Variants in GPRC5A observed in about 807,000 individuals in gnomAD.
GPRC5A encodes the protein retinoic acid-induced protein 3.
In GPRC5A, 19 loss-of-function variants were observed where a neutral mutation model predicts 22.5. The ratio of observed to expected loss-of-function variants is 0.85; its 90% CI spans 0.59 to 1.24. GPRC5A has a LOEUF of 1.24. Ranked by LOEUF, GPRC5A falls within the 50% of genes most tolerant of loss-of-function variation. The pLI, the probability that GPRC5A is intolerant of heterozygous loss-of-function variation, is 0.00. For missense variants in GPRC5A, 471 were observed against 451.1 expected (o/e 1.04, Z -0.40); for synonymous variants, 192 against 184.5 (o/e 1.04, Z -0.33).
intron 1 of GPRC5A, 138 bp downstream of exon 1, chr12:12,891,802 T>A (rs567148527): frequency 6.6e-6 from 1 of 151,222 alleles, no homozygotes; most frequent in African/African-American, 2.4e-5. Context: ...GAGAAAAAAA[T>A]TCCCTAGGAA....
intron 1 of GPRC5A, among the ~76,000 whole-genome samples, chr12:12,894,772 GT>G (rs56794431): frequency 0.012 from 781 of 67,418 alleles, 5 homozygotes; most frequent in African/African-American, 0.037. Context: ...GTCTAGGATG[GT>G]TTTTTTTTTT....
chr12:12,896,294 T>A (rs1863822482), intron 1 of GPRC5A, among the ~76,000 whole-genome samples: 1 of 152,212 alleles, frequency 6.6e-6, no homozygotes, highest in African/African-American at 2.4e-5. Context: ...TGTGGTGCTA[T>A]GATGACTTAT....
chr12:12,911,614 G>A (rs1479279439), intron 2 of GPRC5A, among the ~76,000 whole-genome samples: 11 of 151,532 alleles, frequency 7.3e-5, no homozygotes, highest in African/African-American at 2.2e-4. Context: ...TCAGCCTCCC[G>A]AGTAGCTGGG....
At chr12:12,908,125 C>A in intron 1 of GPRC5A, 118 bp from the exon 2 acceptor site, 1 of 672,134 alleles carries the variant, frequency 1.5e-6, no homozygotes, top group Non-Finnish European at 2.5e-6. Context: ...AGCTCAAAGT[C>A]AAAACCCTGG....
At position 12,908,897 on chromosome 12, in the gene GPRC5A, G is replaced by T. The variant is rs376281808; in HGVS notation, c.648G>T (p.Thr216=). ...WKRHGAHIYL[T]MLLSIAIWVA... ...GACATGGGGCCCACATCTACCTCAC[G>T]ATGCTCCTCTCCATTGCCATCTGGG... The change falls in exon 2 of 4, where the codon ACG becomes ACT. Residue 216 remains threonine (T), a synonymous_variant. Transcript: ENST00000014914. 35 of 1,614,010 alleles carry T rather than the reference G, an allele frequency of 2.2e-5. No individual in the cohort carries two copies. The highest frequency in any genetic ancestry group is 2.8e-5 in the Non-Finnish European group (33 of 1,180,034).
intron 1 of GPRC5A, among the ~76,000 whole-genome samples, chr12:12,903,036 C>T (rs1384497709): frequency 6.6e-6 from 1 of 152,052 alleles, no homozygotes. Context: ...CATTGCACTC[C>T]AGCCTGGGCA....
rs1453851003 is a variant in GPRC5A, at chr12:12,908,664, G to A, written c.415G>A (p.Val139Met). 10 of 1,613,724 alleles carry A rather than the reference G, an allele frequency of 6.2e-6. No individual in the cohort carries two copies. The highest frequency in any genetic ancestry group is 2.2e-5 in the South Asian group (2 of 91,034). ...CCTGTTGGTGATTCTGGGTCTGGCC[G>A]TGGGCTTCAGCCTAGTCCAGGATGT... ...LSLLVILGLA[V>M]GFSLVQDVIA... Residue 139 changes from valine to methionine, a missense_variant, in exon 2 of 4, where the codon GTG becomes ATG. Physicochemically the swap from Val to Met is conservative, Grantham distance 21 (BLOSUM62 1). Coordinates refer to ENST00000014914, the MANE Select transcript of GPRC5A (RefSeq NM_003979.4).
At chr12:12,900,422 G>T (rs926205695) in intron 1 of GPRC5A, among the ~76,000 whole-genome samples, 57 of 152,182 alleles carry the variant, frequency 3.7e-4, no homozygotes, top group African/African-American at 1.3e-3. Context: ...GCTTTGAGAG[G>T]TCAAGTGACT....
Position 12,916,870 on chromosome 12 carries a change from C to T in GPRC5A, c.*4331C>T, listed in dbSNP as rs1592354659. 1 of 152,322 alleles carries T rather than the reference C, an allele frequency of 6.6e-6. No individual in the cohort carries two copies. The highest frequency in any genetic ancestry group is 1.5e-5 in the Non-Finnish European group (1 of 68,056). The allele number at this position is 152,322 out of a possible 1,614,324, so 9.4% of individuals were successfully genotyped here. A position where few individuals can be genotyped will look rare whatever the true frequency, so the allele number is the denominator to read the frequency against. ...CGTGCACTCATTCTGAGCTTCCTTC[C>T]TTCATTTCTGTCATTACTGCTGAGA... On this transcript the variant is annotated 3_prime_UTR_variant, in exon 4 of 4. Coordinates refer to ENST00000014914, the MANE Select transcript of GPRC5A (RefSeq NM_003979.4).
rs1864072973 is a variant in GPRC5A at position 12,917,229 on chromosome 12, TGTGTGTGTGTGTGTGTGTGTGTGCGTGC to T, written c.*4694_*4721del. On this transcript the variant is annotated 3_prime_UTR_variant, in exon 4 of 4. Transcript: ENST00000014914. ...TGCTGGATCTGTGTGTGTGTGTGTG[TGTGTGTGTGTGTGTGTGTGTGTGCGTGC>T]GTGCGTGTATGTGCGCCTGACCCTG... The T allele has an allele frequency of 8.3e-6, 1 of 119,898 alleles. No homozygotes were observed. Among genetic ancestry groups the T allele is most frequent in the Non-Finnish European group, 1.7e-5 (1 of 59,464 alleles). The allele number at this position is 119,898 out of a possible 1,614,324, so 7.4% of individuals were successfully genotyped here.
rs372744055 is a variant in GPRC5A, at chr12:12,908,663, C to G, written c.414C>G (p.Ala138=). Residue 138 remains alanine (A), a synonymous_variant, in exon 2 of 4, where the codon GCC becomes GCG. Coordinates refer to ENST00000014914, the MANE Select transcript of GPRC5A (RefSeq NM_003979.4). The part of the protein sequence containing the change: ...PLSLLVILGL[A]VGFSLVQDVI... ...CCCTGTTGGTGATTCTGGGTCTGGCCGTGGGCTTCAGCCTAGTCCAGGATG... is the reference window on the plus strand; with the variant it reads ...CCCTGTTGGTGATTCTGGGTCTGGCGGTGGGCTTCAGCCTAGTCCAGGATG... The G allele has an allele frequency of 1.1e-4, 178 of 1,613,670 alleles. No homozygotes were observed. Among genetic ancestry groups the G allele is most frequent in the Non-Finnish European group, 1.5e-4 (173 of 1,179,796 alleles).
intron 1 of GPRC5A, among the ~76,000 whole-genome samples, chr12:12,895,067 C>T (rs186456379): frequency 2.8e-4 from 42 of 152,260 alleles, no homozygotes; most frequent in African/African-American, 8.4e-4. Flanking sequence ...CGTGAGCCAC[C>T]GTGCCCGGCC....
intron 1 of GPRC5A, among the ~76,000 whole-genome samples, chr12:12,906,191 C>T (rs965312417): frequency 3.9e-5 from 6 of 152,160 alleles, no homozygotes; most frequent in African/African-American, 1.4e-4. Flanking sequence ...GCCTCAGTTT[C>T]CTCATCTGTA....
At position 12,909,012 on chromosome 12, in the gene GPRC5A, G is replaced by A. The variant is rs149349613; in HGVS notation, c.763G>A (p.Val255Met). Residue 255 changes from valine to methionine, a missense_variant, in exon 2 of 4, where the codon GTG (valine) becomes ATG (methionine). Val to Met is a conservative substitution (Grantham distance 21). Transcript: ENST00000014914. ...CTCCGCCTTGGCTGCCAATGGCTGG[G>A]TGTTCCTGTTGGCTTATGTTAGTCC... The part of the protein sequence containing the change: ...LSSALAANGW[V>M]FLLAYVSPEF... 35 of 1,613,960 alleles carry A rather than the reference G, an allele frequency of 2.2e-5. No homozygotes were observed. The African/African-American group carries it at 4.5e-4, about 21-fold the overall frequency.
At position 12,913,677 on chromosome 12, in the gene GPRC5A, A is replaced by T. The variant is rs1864031186; in HGVS notation, c.*1138A>T. 1 of 152,014 alleles carries T rather than the reference A, an allele frequency of 6.6e-6. No homozygotes were observed. The highest frequency in any genetic ancestry group is 1.5e-5 in the Non-Finnish European group (1 of 68,010). 9.4% of individuals were successfully genotyped at this position (152,014 alleles called of 1,614,324 possible). A position where few individuals can be genotyped will look rare whatever the true frequency, so the allele number is the denominator to read the frequency against. The stretch of plus-strand genomic sequence containing the variant: ...AGCAGTTACCAGTAATGAGCATTAG[A>T]CTCTGGGGGATAGAACACGGGCTGC... On this transcript the variant is annotated 3_prime_UTR_variant, in exon 4 of 4. Coordinates refer to ENST00000014914, the MANE Select transcript of GPRC5A (RefSeq NM_003979.4).
Position 12,908,749 on chromosome 12 carries a change from A to C in GPRC5A, c.500A>C (p.Glu167Ala), listed in dbSNP as rs755657447. 27 of 1,613,938 alleles carry C rather than the reference A, an allele frequency of 1.7e-5. No homozygotes were observed. The highest frequency in any genetic ancestry group is 2.3e-5 in the Non-Finnish European group (27 of 1,180,032). Residue 167 changes from glutamate to alanine, a missense_variant, in exon 2 of 4, where the codon GAG becomes GCG. Glu to Ala is a moderately radical substitution (Grantham distance 107). Transcript: ENST00000014914. ...MNRTNVNVFSELSAPRRNEDF... is the reference protein window; with the variant it reads ...MNRTNVNVFSALSAPRRNEDF... ...AGGACCAACGTCAATGTCTTTTCTG[A>C]GCTTTCCGCTCCTCGTCGCAATGAA...
chr12:12,905,268 A>G (rs1422987149), intron 1 of GPRC5A, among the ~76,000 whole-genome samples: 3 of 152,162 alleles, frequency 2.0e-5, no homozygotes, highest in Non-Finnish European at 4.4e-5. Flanking sequence ...CCTGCTTCCC[A>G]ACCCGAGTCC....
chr12:12,904,408 G>A (rs1863919074), intron 1 of GPRC5A, among the ~76,000 whole-genome samples: 1 of 152,144 alleles, frequency 6.6e-6, no homozygotes, highest in Admixed American at 6.6e-5. Flanking sequence ...CGATGGCTGT[G>A]GTGTAGCTTC....
intron 1 of GPRC5A, among the ~76,000 whole-genome samples, chr12:12,899,107 C>T (rs1863853815): frequency 6.6e-6 from 1 of 152,140 alleles, no homozygotes; most frequent in African/African-American, 2.4e-5. Flanking sequence ...TAGTTCACTG[C>T]AGCCTCGAGT....
Sources: gnomAD v4.1 joint callset for allele counts (sites outside exome capture counted in the v4.1 genomes callset) on GRCh38, gnomAD v4.1.1 for gene constraint, MANE v1.5 for transcripts, NCBI Gene and HGNC (gene_info 2026-07-23, HGNC 2026-07-21) for gene names.